AFM: variants seen among roughly 807,000 people sequenced by gnomAD.
The protein encoded by AFM is afamin.
Under a neutral mutation model 68.7 loss-of-function variants are expected in AFM, and 82 were observed. The observed-to-expected ratio is 1.19, with a 90% CI of 1.00 to 1.43. The LOEUF (loss-of-function observed/expected upper bound fraction) is 1.43, where lower values mean the gene tolerates loss of function less well. Among genes scored for constraint, AFM ranks in the 40% most tolerant of loss-of-function variants. The probability of loss-of-function intolerance (pLI) is 0.00; values close to 1 mark genes in which losing one functional copy is unlikely to be tolerated. For synonymous variants in AFM, 250 were observed against 234.2 expected (o/e 1.07, Z -0.61); for missense variants, 772 against 701.8 (o/e 1.10, Z -1.13).
At chr4:73,490,300 C>A (rs950271563) in intron 7 of AFM, among the ~76,000 whole-genome samples, 1 of 151,874 alleles carries the variant, frequency 6.6e-6, no homozygotes, top group Admixed American at 6.6e-5. Flanking sequence ...TTATTTCAAA[C>A]AATGGACAAC....
At position 73,500,056 on chromosome 4, in the gene AFM, A is replaced by G. The variant is rs1721384706; in HGVS notation, c.1475A>G (p.Asn492Ser). The G allele has an allele frequency of 1.2e-6, 2 of 1,613,928 alleles. No homozygotes were observed. Among genetic ancestry groups the G allele is most frequent in the African/African-American group, 1.3e-5 (1 of 74,916 alleles). Residue 492 changes from asparagine to serine, a missense_variant, in exon 12 of 15, where the codon AAC becomes AGC. Coordinates refer to ENST00000226355, the MANE Select transcript of AFM (RefSeq NM_001133.2). ...LCGVNENRTI[N>S]PAVDHCCKTN... ...GGAGTAAATGAAAATCGAACTATCAACCCTGCTGTGGACCACTGCTGTAAA... is the reference window on the plus strand; with the variant it reads ...GGAGTAAATGAAAATCGAACTATCAGCCCTGCTGTGGACCACTGCTGTAAA...
chr4:73,488,891 C>A (rs1032344312), intron 7 of AFM, 132 bp downstream of exon 7: 8 of 881,506 alleles, frequency 9.1e-6, no homozygotes, highest in Non-Finnish European at 1.2e-5. Flanking sequence ...TGAATGAAAG[C>A]ATAAAATGAA....
chr4:73,481,778 G>GTGGTTTCTAC lies in AFM; in HGVS notation c.3_4insTGGTTTCTAC (p.Lys2TrpfsTer20). On this transcript the variant is annotated frameshift_variant, in exon 1 of 15. Transcript: ENST00000226355. LOFTEE classifies it high-confidence loss of function. The stretch of plus-strand genomic sequence containing the variant: ...TTGTAAATGTGGTTTCTACAAAGAT[G>GTGGTTTCTAC]AAACTACTAAAACTTACAGGTTTTA... 1 of 1,576,624 alleles carries GTGGTTTCTAC rather than the reference G, an allele frequency of 6.3e-7. No individual in the cohort carries two copies. The highest frequency in any genetic ancestry group is 8.6e-7 in the Non-Finnish European group (1 of 1,156,256).
Position 73,485,859 on chromosome 4 carries a change from T to G in AFM, c.271-3T>G, listed in dbSNP as rs1289571943. The G allele has an allele frequency of 2.5e-6, 4 of 1,612,260 alleles. No individual in the cohort carries two copies. The South Asian group carries it at 3.3e-5, about 13-fold the overall frequency. ...AATTGTCCTTTTCTTCTCTGTTGTA[T>G]AGAATAATGTTTTACAGGAAAAAAT... On this transcript the variant is annotated splice_polypyrimidine_tract_variant and splice_region_variant and intron_variant, in intron 3 of 14. Transcript: ENST00000226355.
At chr4:73,486,143 C>A in intron 4 of AFM, 70 bp downstream of exon 4, 1 of 1,243,324 alleles carries the variant, frequency 8.0e-7, no homozygotes, top group Non-Finnish European at 1.1e-6. Context: ...ATATCTATCT[C>A]AAATAAATAT....
chr4:73,494,133 A>G (rs1721182316), intron 8 of AFM, among the ~76,000 whole-genome samples: 1 of 152,096 alleles, frequency 6.6e-6, no homozygotes, highest in South Asian at 2.1e-4. Flanking sequence ...TACATCAGAT[A>G]TTAAGAGGAG....
intron 1 of AFM, among the ~76,000 whole-genome samples, chr4:73,482,263 T>G (rs1333368915): frequency 6.6e-6 from 1 of 152,270 alleles, no homozygotes; most frequent in African/African-American, 2.4e-5. Context: ...TATATCTTTA[T>G]GGAATGCAGA....
Position 73,485,858 on chromosome 4 carries a change from A to G in AFM, c.271-4A>G, listed in dbSNP as rs1720885525. ...AAATTGTCCTTTTCTTCTCTGTTGTATAGAATAATGTTTTACAGGAAAAAA... is the reference window on the plus strand; with the variant it reads ...AAATTGTCCTTTTCTTCTCTGTTGTGTAGAATAATGTTTTACAGGAAAAAA... On this transcript the variant is annotated splice_polypyrimidine_tract_variant and splice_region_variant and intron_variant, in intron 3 of 14. Transcript: ENST00000226355. 1 of 1,612,186 alleles carries G rather than the reference A, an allele frequency of 6.2e-7. No homozygotes were observed. Among genetic ancestry groups the G allele is most frequent in the Admixed American group, 1.7e-5 (1 of 59,966 alleles).
chr4:73,502,610 C>T (rs1721451109), intron 13 of AFM, among the ~76,000 whole-genome samples: 1 of 152,126 alleles, frequency 6.6e-6, no homozygotes, highest in Non-Finnish European at 1.5e-5. Context: ...TGTTTCTTTT[C>T]TAGGAACACT....
chr4:73,487,833 A>T lies in AFM; in HGVS notation c.713+12A>T. On this transcript the variant is annotated intron_variant, in intron 6 of 14. Coordinates refer to ENST00000226355, the MANE Select transcript of AFM (RefSeq NM_001133.2). ...GTTGTACACTTTATGTGAGTTTTATACTATATGTCTTGTCTCTGCTTGCAT... is the reference window on the plus strand; with the variant it reads ...GTTGTACACTTTATGTGAGTTTTATTCTATATGTCTTGTCTCTGCTTGCAT... 1 of 1,522,390 alleles carries T rather than the reference A, an allele frequency of 6.6e-7. No homozygotes were observed. The highest frequency in any genetic ancestry group is 9.1e-7 in the Non-Finnish European group (1 of 1,098,578). 94.3% of individuals were successfully genotyped at this position (1,522,390 alleles called of 1,614,324 possible). A position where few individuals can be genotyped will look rare whatever the true frequency, so the allele number is the denominator to read the frequency against.
At chr4:73,499,975 T>C (rs1426865234) in intron 11 of AFM, 29 bp from the exon 12 acceptor site, 1 of 1,569,372 alleles carries the variant, frequency 6.4e-7, no homozygotes, top group Non-Finnish European at 8.8e-7. Flanking sequence ...TTTAAGATCG[T>C]ATCTCAGTTG....
Position 73,483,525 on chromosome 4 carries a change from T to C in AFM, c.89-416T>C, listed in dbSNP as rs923408458. 2.0e-5 allele frequency among the ~76,000 whole-genome samples: 3 copies of C among 152,244 alleles called. No individual in the cohort carries two copies. In the East Asian group the frequency reaches 5.8e-4, roughly 29 times the overall value. On this transcript the variant is annotated intron_variant, in intron 1 of 14. Coordinates refer to ENST00000226355, the MANE Select transcript of AFM (RefSeq NM_001133.2). ...TGTGACTGAGTAGCGCTAAAAACTA[T>C]GCTGACCACCAGCATGCTACAGCAT...
rs750379440 is a variant in AFM, at chr4:73,485,951, A to T, written c.360A>T (p.Gln120His). Residue 120 changes from glutamine to histidine, a missense_variant, in exon 4 of 15, where the codon CAA becomes CAT. Transcript: ENST00000226355. ...FSHCCSKVDA[Q>H]RRLCFFYNKK... ...ACTGCTGCAGTAAGGTTGATGCTCAAAGAAGACTCTGTTTCTTCTATAACA... is the reference window on the plus strand; with the variant it reads ...ACTGCTGCAGTAAGGTTGATGCTCATAGAAGACTCTGTTTCTTCTATAACA... The T allele has an allele frequency of 2.0e-5, 33 of 1,613,924 alleles. No homozygotes were observed. The South Asian group carries it at 3.5e-4, about 17-fold the overall frequency.
chr4:73,499,973 C>T (rs751302602), intron 11 of AFM, 31 bp from the exon 12 acceptor site: 32 of 1,558,692 alleles, frequency 2.1e-5, no homozygotes, highest in East Asian at 1.3e-4. Context: ...GTTTTAAGAT[C>T]GTATCTCAGT....
At chr4:73,486,918 C>T (rs997015870) in intron 4 of AFM, 49 bp from the exon 5 acceptor site, 5 of 1,570,976 alleles carry the variant, frequency 3.2e-6, no homozygotes, top group Non-Finnish European at 3.5e-6. Flanking sequence ...TCATTGCTTC[C>T]TGTTTCTTCC....
chr4:73,499,126 G>C lies in AFM; in HGVS notation c.1302G>C (p.Arg434Ser), dbSNP rs754857165. 31 of 1,611,974 alleles carry C rather than the reference G, an allele frequency of 1.9e-5. No homozygotes were observed. The East Asian group carries it at 6.0e-4, about 31-fold the overall frequency. ...AATGTTCTTTCAGTTACCTCATCAGGCTCACGAAGATAGCTCCCCAACTCT... is the reference window on the plus strand; with the variant it reads ...AATGTTCTTTCAGTTACCTCATCAGCCTCACGAAGATAGCTCCCCAACTCT... ...KDGLKYHYLI[R>S]LTKIAPQLST... The change falls in exon 11 of 15, where the codon AGG becomes AGC. Residue 434 changes from arginine (R) to serine (S), a missense_variant. Physicochemically the swap from Arg to Ser is moderately radical, Grantham distance 110. Transcript: ENST00000226355.
intron 1 of AFM, 134 bp downstream of exon 1, chr4:73,481,997 G>A (rs1015200450): frequency 6.3e-6 from 4 of 635,912 alleles, no homozygotes; most frequent in African/African-American, 5.8e-5. Flanking sequence ...AGGCTAACCA[G>A]TTATCCAAAA....
intron 11 of AFM, among the ~76,000 whole-genome samples, chr4:73,499,499 T>A (rs1277585024): frequency 6.6e-6 from 1 of 152,144 alleles, no homozygotes; most frequent in Non-Finnish European, 1.5e-5. Flanking sequence ...AAGGGATTTG[T>A]TAGGACAAAT....
intron 7 of AFM, among the ~76,000 whole-genome samples, chr4:73,491,240 A>C (rs1016144537): frequency 2.0e-5 from 3 of 152,176 alleles, no homozygotes; most frequent in Non-Finnish European, 4.4e-5. Flanking sequence ...ATTGGTAGGG[A>C]TGGGGACAGA....
Sources: allele counts gnomAD v4.1 joint callset (sites outside exome capture counted in the v4.1 genomes callset), GRCh38; gene constraint gnomAD v4.1.1; transcripts MANE v1.5; gene names NCBI Gene and HGNC (gene_info 2026-07-23, HGNC 2026-07-21).